Variants in ZBTB25 observed in about 807,000 individuals in gnomAD.
ZBTB25 encodes the protein zinc finger and BTB domain-containing protein 25.
A neutral mutation model predicts 34.2 loss-of-function variants in ZBTB25; 20 were observed. The observed-to-expected ratio is 0.58, with a 90% confidence interval of 0.41 to 0.85. ZBTB25 has a LOEUF of 0.85. Among genes scored for constraint, ZBTB25 ranks in the 40% least tolerant of loss-of-function variants. ZBTB25 has a pLI of 0.00. For synonymous variants in ZBTB25, 175 were observed against 186.4 expected (o/e 0.94, Z 0.50); for missense variants, 437 against 521.8 (o/e 0.84, Z 1.58).
At position 64,482,618 on chromosome 14, in the gene ZBTB25, AAC is replaced by A. The variant is rs1156705381; in HGVS notation, c.*4303_*4304del. The A allele has an allele frequency of 1.3e-5, 2 of 152,260 alleles. No individual in the cohort carries two copies. Among genetic ancestry groups the A allele is most frequent in the Admixed American group, 6.5e-5 (1 of 15,284 alleles). 9.4% of individuals were successfully genotyped at this position (152,260 alleles called of 1,614,324 possible). Reference sequence around the variant, plus strand: ...TCCTCCTTACTGAAGGCTAAAAAGAAACAGTGATGATTAAATTACAGTAGAAC... The same window carrying A: ...TCCTCCTTACTGAAGGCTAAAAAGAAAGTGATGATTAAATTACAGTAGAAC... On this transcript the variant is annotated 3_prime_UTR_variant, in exon 3 of 3. Transcript: ENST00000608382.
At position 64,481,659 on chromosome 14, in the gene ZBTB25, C is replaced by A. The variant is rs188796012; in HGVS notation, c.*5264G>T. On this transcript the variant is annotated 3_prime_UTR_variant, in exon 3 of 3. Coordinates refer to ENST00000608382, the MANE Select transcript of ZBTB25 (RefSeq NM_006977.5). ...TAATCAAGTGCAGTACAAATACATACTGAAGCACAATGAATTCTTCCAGGT... is the reference window on the plus strand; with the variant it reads ...TAATCAAGTGCAGTACAAATACATAATGAAGCACAATGAATTCTTCCAGGT... The A allele has an allele frequency of 6.6e-6, 1 of 152,202 alleles. No individual in the cohort carries two copies. The highest frequency in any genetic ancestry group is 1.5e-5 in the Non-Finnish European group (1 of 68,052). The allele number at this position is 152,202 out of a possible 1,614,324, so 9.4% of individuals were successfully genotyped here. A position where few individuals can be genotyped will look rare whatever the true frequency, so the allele number is the denominator to read the frequency against.
At chr14:64,464,685 T>C (rs535204360) in intron 2 of ZBTB25, among the ~76,000 whole-genome samples, 2 of 152,202 alleles carry the variant, frequency 1.3e-5, no homozygotes, top group Non-Finnish European at 2.9e-5. Context: ...GGGATTGTGA[T>C]GGATCCTACT....
rs76950690 is a variant in ZBTB25 at position 64,499,633 on chromosome 14, G to C, written c.-8+4028C>G. The C allele has an allele frequency of 5.3e-5, 8 of 151,990 alleles. No homozygotes were observed. In the East Asian group the frequency reaches 9.6e-4, roughly 18 times the overall value. 9.4% of individuals were successfully genotyped at this position (151,990 alleles called of 1,614,324 possible). A position where few individuals can be genotyped will look rare whatever the true frequency, so the allele number is the denominator to read the frequency against. ...CTAAACTGGCAGGATGGGCATGGGT[G>C]GGGGGGTGGAGGAACACACTATTTT... On this transcript the variant is annotated intron_variant, in intron 1 of 2. Coordinates refer to ENST00000608382, the MANE Select transcript of ZBTB25 (RefSeq NM_006977.5).
At chr14:64,466,355 A>G (rs532730728) in intron 2 of ZBTB25, among the ~76,000 whole-genome samples, 1 of 152,354 alleles carries the variant, frequency 6.6e-6, no homozygotes, top group Admixed American at 6.5e-5. Context: ...TGTGAGATAC[A>G]TTCAAGTGAG....
chr14:64,452,851 T>C (rs2078397009), intron 2 of ZBTB25, among the ~76,000 whole-genome samples: 2 of 152,046 alleles, frequency 1.3e-5, no homozygotes, highest in South Asian at 2.1e-4. Context: ...AGTATTAGAA[T>C]AGAACATCTA....
At chr14:64,469,385 G>C in intron 2 of ZBTB25, 1 of 1,613,940 alleles carries the variant, frequency 6.2e-7, no homozygotes, top group Non-Finnish European at 8.5e-7. Flanking sequence ...CAAATCAGAA[G>C]AAAGCAAAAG....
intron 1 of ZBTB25, chr14:64,499,310 C>T (rs944709217): frequency 1.4e-4 from 22 of 151,944 alleles, no homozygotes; most frequent in African/African-American, 3.4e-4. Flanking sequence ...CATGGTGGCT[C>T]GCTCCCAGCA....
At chr14:64,490,191 G>C (rs1197980350) in intron 2 of ZBTB25, among the ~76,000 whole-genome samples, 170 bp downstream of exon 2, 1 of 111,056 alleles carries the variant, frequency 9.0e-6, no homozygotes, top group Admixed American at 1.0e-4. Flanking sequence ...CTGGGTGACA[G>C]AGCAAGACTC....
At chr14:64,500,266 T>C (rs2079440438) in intron 1 of ZBTB25, among the ~76,000 whole-genome samples, 1 of 152,040 alleles carries the variant, frequency 6.6e-6, no homozygotes, top group African/African-American at 2.4e-5. Context: ...AATACTTCTT[T>C]CGCAATGGAA....
In ZBTB25 at chr14:64,485,787, A is replaced by G. The variant is rs2078851874; in HGVS notation, c.*1136T>C. ...GTAGAAACATGATTTATATTTTATCATCATTCTCTTTCAACTCATGTAAAC... is the reference window on the plus strand; with the variant it reads ...GTAGAAACATGATTTATATTTTATCGTCATTCTCTTTCAACTCATGTAAAC... On this transcript the variant is annotated 3_prime_UTR_variant, in exon 3 of 3. Coordinates refer to ENST00000608382, the MANE Select transcript of ZBTB25 (RefSeq NM_006977.5). 2 of 985,308 alleles carry G rather than the reference A, an allele frequency of 2.0e-6. No individual in the cohort carries two copies. The highest frequency in any genetic ancestry group is 6.1e-5 in the Admixed American group (1 of 16,268). The allele number at this position is 985,308 out of a possible 1,614,324, so 61.0% of individuals were successfully genotyped here.
chr14:64,462,745 T>C (rs1003388316), intron 2 of ZBTB25: 5 of 152,218 alleles, frequency 3.3e-5, no homozygotes, highest in African/African-American at 7.2e-5. Flanking sequence ...TGAGTTTGTG[T>C]TGGCTCTGTG....
intron 1 of ZBTB25, among the ~76,000 whole-genome samples, chr14:64,494,855 A>G (rs1430887633): frequency 6.6e-6 from 1 of 152,222 alleles, no homozygotes; most frequent in East Asian, 1.9e-4. Flanking sequence ...TTCAGATTAG[A>G]TAATTTCTAT....
At chr14:64,499,909 T>G (rs1157394456) in intron 1 of ZBTB25, among the ~76,000 whole-genome samples, 1 of 152,216 alleles carries the variant, frequency 6.6e-6, no homozygotes, top group Non-Finnish European at 1.5e-5. Flanking sequence ...TTAATGGAAC[T>G]GGGAAACGTT....
intron 2 of ZBTB25, chr14:64,471,968 C>A (rs561384421): frequency 1.2e-5 from 2 of 166,466 alleles, no homozygotes; most frequent in South Asian, 4.1e-4. Flanking sequence ...TAGCAAGATT[C>A]TTTGCTGAAG....
At chr14:64,461,563 T>C (rs1454608066) in intron 2 of ZBTB25, 3 of 143,254 alleles carry the variant, frequency 2.1e-5, no homozygotes, top group African/African-American at 5.5e-5. Flanking sequence ...CTTCTGGTAC[T>C]TTTTTTTTCC....
chr14:64,478,350 T>C lies in ZBTB25; in HGVS notation c.*8573A>G, dbSNP rs1283410304. 2.6e-5 allele frequency: 4 copies of C among 152,056 alleles called. No individual in the cohort carries two copies. The highest frequency in any genetic ancestry group is 2.9e-5 in the Non-Finnish European group (2 of 68,026). 9.4% of individuals were successfully genotyped at this position (152,056 alleles called of 1,614,324 possible). A position where few individuals can be genotyped will look rare whatever the true frequency, so the allele number is the denominator to read the frequency against. On this transcript the variant is annotated 3_prime_UTR_variant, in exon 3 of 3. Transcript: ENST00000608382. The stretch of plus-strand genomic sequence containing the variant: ...CTTAACTTATTCAGAATGGAATGGG[T>C]TGGAAAGTATGAGAGAAGAAAGTCA...
At chr14:64,450,513 C>G (rs903430810) in intron 2 of ZBTB25, among the ~76,000 whole-genome samples, 3 of 152,132 alleles carry the variant, frequency 2.0e-5, no homozygotes, top group East Asian at 1.9e-4. Flanking sequence ...CTCTATGATA[C>G]AATAAAGTTA....
upstream of ZBTB25, chr14:64,505,141 C>T (rs1418362319): frequency 1.2e-5 from 4 of 340,542 alleles, no homozygotes; most frequent in Non-Finnish European, 2.1e-5. Flanking sequence ...GCGTCAGGTC[C>T]CGGGCGTGCG....
intron 2 of ZBTB25, chr14:64,471,805 G>T (rs2078675309): frequency 6.0e-6 from 1 of 167,000 alleles, no homozygotes. Flanking sequence ...AATGATCTGG[G>T]TGAATTCTTG....
Sources: allele counts gnomAD v4.1 joint callset (sites outside exome capture counted in the v4.1 genomes callset), GRCh38; gene constraint gnomAD v4.1.1; transcripts MANE v1.5; gene names NCBI Gene and HGNC (gene_info 2026-07-23, HGNC 2026-07-21).